KMT2E: variants seen among roughly 807,000 people sequenced by gnomAD.
The protein encoded by KMT2E is lysine methyltransferase 2E (inactive).
KMT2E carries 30 observed loss-of-function variants against 184.6 expected under a neutral mutation model. That is an observed-to-expected ratio of 0.16 (90% CI 0.12 to 0.22). KMT2E has a LOEUF of 0.22. Among genes scored for constraint, KMT2E ranks in the 10% least tolerant of loss-of-function variants. KMT2E has a pLI of 1.00. For synonymous variants in KMT2E, 815 were observed against 776.5 expected (o/e 1.05, Z -0.82); for missense variants, 2,023 against 2,237.4 (o/e 0.90, Z 1.93).
rs202221744 is a variant in KMT2E, at chr7:105,109,258, G to A, written c.3755+30G>A. ...GCCCATTGTGAAGTATGCTACTCTG[G>A]AAAAAACAAGCTTTTGTTCAAGTAT... On this transcript the variant is annotated intron_variant, in intron 23 of 26. Coordinates refer to ENST00000311117, the MANE Select transcript of KMT2E (RefSeq NM_182931.3). 1,620 of 1,594,764 alleles carry A rather than the reference G, an allele frequency of 1.0e-3. 1 individual carries two copies. Among genetic ancestry groups the A allele is most frequent in the Non-Finnish European group, 1.3e-3 (1,538 of 1,168,064 alleles).
At chr7:105,097,274 C>T (rs1798448490) in intron 15 of KMT2E, among the ~76,000 whole-genome samples, 1 of 151,774 alleles carries the variant, frequency 6.6e-6, no homozygotes, top group Non-Finnish European at 1.5e-5. Flanking sequence ...TCCGTTGATG[C>T]TGATTTTTTT....
intron 15 of KMT2E, among the ~76,000 whole-genome samples, chr7:105,094,127 A>T (rs1330509837): frequency 6.6e-6 from 1 of 152,196 alleles, no homozygotes; most frequent in African/African-American, 2.4e-5. Flanking sequence ...TTCCTAAGCA[A>T]TTAGTAGAGT....
At chr7:105,080,740 G>C (rs1433192773) in intron 12 of KMT2E, among the ~76,000 whole-genome samples, 1 of 152,242 alleles carries the variant, frequency 6.6e-6, no homozygotes, top group African/African-American at 2.4e-5. Context: ...GCCAGGCACA[G>C]TGGCTCACAC....
intron 1 of KMT2E, among the ~76,000 whole-genome samples, chr7:105,023,855 T>G (rs1385293709): frequency 1.3e-5 from 2 of 152,224 alleles, no homozygotes; most frequent in Non-Finnish European, 2.9e-5. Flanking sequence ...TGAGATGGTA[T>G]ATACACAGAT....
intron 3 of KMT2E, among the ~76,000 whole-genome samples, chr7:105,058,057 A>G (rs1246120066): frequency 6.6e-6 from 1 of 152,166 alleles, no homozygotes; most frequent in Non-Finnish European, 1.5e-5. Context: ...TGTGCTGTAG[A>G]CCTGGTGAAG....
chr7:105,081,635 C>A, intron 12 of KMT2E, 53 bp from the exon 13 acceptor site: 1 of 869,430 alleles, frequency 1.2e-6, no homozygotes, highest in Non-Finnish European at 1.9e-6. Flanking sequence ...TAAGCTGATG[C>A]TTCTGAAGGC....
At position 105,074,835 on chromosome 7, in the gene KMT2E, T is replaced by C; in HGVS notation, c.729+20T>C. On this transcript the variant is annotated intron_variant, in intron 8 of 26. Transcript: ENST00000311117. ...AAAAAGGTACGTTTTTGCTTGTTTT[T>C]AGGTGAGTGGATAGGATAGCGGATA... is the stretch of plus-strand genomic sequence containing the variant. 1.3e-6 allele frequency: 2 copies of C among 1,580,714 alleles called. No homozygotes were observed. Among genetic ancestry groups the C allele is most frequent in the South Asian group, 2.3e-5 (2 of 85,492 alleles).
chr7:105,015,607 T>C (rs1053150286), intron 1 of KMT2E, among the ~76,000 whole-genome samples: 1 of 152,212 alleles, frequency 6.6e-6, no homozygotes, highest in Admixed American at 6.5e-5. Flanking sequence ...GTTTTTTTCC[T>C]TCAATTTCTG....
Position 105,113,449 on chromosome 7 carries a change from G to C in KMT2E, c.*116G>C. 1.8e-6 allele frequency: 2 copies of C among 1,106,128 alleles called. No individual in the cohort carries two copies. The highest frequency in any genetic ancestry group is 2.5e-6 in the Non-Finnish European group (2 of 810,316). 68.5% of individuals were successfully genotyped at this position (1,106,128 alleles called of 1,614,324 possible). A position where few individuals can be genotyped will look rare whatever the true frequency, so the allele number is the denominator to read the frequency against. On this transcript the variant is annotated 3_prime_UTR_variant, in exon 27 of 27. Transcript: ENST00000311117. ...ATGAACCTTTGTATAAAAAACACCA[G>C]TGCTCTTTCGTTGTATTTTTCTCAT...
chr7:105,088,760 G>T (rs1465798529), intron 13 of KMT2E, among the ~76,000 whole-genome samples: 4 of 152,172 alleles, frequency 2.6e-5, no homozygotes, highest in Admixed American at 6.5e-5. Flanking sequence ...CTAATCCTCA[G>T]TGAGTTTTAA....
chr7:105,067,004 C>T (rs968597310), intron 6 of KMT2E, among the ~76,000 whole-genome samples, 197 bp downstream of exon 6: 2 of 137,914 alleles, frequency 1.5e-5, no homozygotes, highest in Non-Finnish European at 3.0e-5. Flanking sequence ...CTGCAGTGAG[C>T]TTTGATTGTG....
chr7:105,033,249 T>C (rs2129564704), intron 1 of KMT2E, among the ~76,000 whole-genome samples: 1 of 152,362 alleles, frequency 6.6e-6, no homozygotes, highest in Admixed American at 6.5e-5. Flanking sequence ...ATATTTCATG[T>C]GTAGGCAAAT....
At chr7:105,023,230 G>A (rs746204673) in intron 1 of KMT2E, among the ~76,000 whole-genome samples, 7 of 151,410 alleles carry the variant, frequency 4.6e-5, no homozygotes, top group African/African-American at 1.7e-4. Context: ...CCATTACCCC[G>A]TCTCTACTAA....
intron 1 of KMT2E, among the ~76,000 whole-genome samples, chr7:105,019,689 T>C (rs1794866598): frequency 6.6e-6 from 1 of 152,236 alleles, no homozygotes; most frequent in African/African-American, 2.4e-5. Context: ...CAATGATCTA[T>C]GTAGCTTTAT....
In KMT2E at chr7:105,081,423, T is replaced by TTA. The variant is rs1562914567; in HGVS notation, c.1249-264_1249-263insAT. On this transcript the variant is annotated intron_variant, in intron 12 of 26. Coordinates refer to ENST00000311117, the MANE Select transcript of KMT2E (RefSeq NM_182931.3). ...AGAAGAATTGATGAAATATAGTATT[T>TTA]TTATTATTATTATTATTATTATTAT... Among the ~76,000 whole-genome samples, 258 of 147,810 alleles carry TTA rather than the reference T, an allele frequency of 1.7e-3. 1 individual carries two copies. Among genetic ancestry groups the TTA allele is most frequent in the African/African-American group, 6.0e-3 (242 of 40,260 alleles).
intron 17 of KMT2E, chr7:105,104,258 T>G (rs1798795789): frequency 6.6e-6 from 1 of 152,174 alleles, no homozygotes; most frequent in Admixed American, 6.5e-5. Context: ...ATATAGCCAA[T>G]AGAGACTGTA....
intron 3 of KMT2E, among the ~76,000 whole-genome samples, chr7:105,046,737 G>A (rs908154246): frequency 4.6e-5 from 7 of 152,124 alleles, no homozygotes; most frequent in African/African-American, 1.7e-4. Context: ...ACCCTTGAGA[G>A]TATCACATTA....
rs530430897 is a variant in KMT2E, at chr7:105,053,901, T to C, written c.72-8263T>C. On this transcript the variant is annotated intron_variant, in intron 3 of 26. Coordinates refer to ENST00000311117, the MANE Select transcript of KMT2E (RefSeq NM_182931.3). ...TCAAAAAAAAGAAACAGGCGAGGCA[T>C]GGTGGCACATGCCTGTAATCTCAGC... 5.9e-5 allele frequency among the ~76,000 whole-genome samples: 9 copies of C among 152,046 alleles called. No homozygotes were observed. In the East Asian group the frequency reaches 1.7e-3, roughly 29 times the overall value.
At chr7:105,108,707 T>C (rs573706738) in intron 22 of KMT2E, 10 of 495,746 alleles carry the variant, frequency 2.0e-5, no homozygotes, top group African/African-American at 7.7e-5. Flanking sequence ...GATGATAATA[T>C]ACCTATTTCA....
Sources: allele counts gnomAD v4.1 joint callset (sites outside exome capture counted in the v4.1 genomes callset), GRCh38; gene constraint gnomAD v4.1.1; transcripts MANE v1.5; gene names NCBI Gene and HGNC (gene_info 2026-07-23, HGNC 2026-07-21).